SMPD3: variants seen among roughly 807,000 people sequenced by gnomAD.
SMPD3 encodes sphingomyelin phosphodiesterase 3, also known as nSMase-2.
Under a neutral mutation model 55.7 loss-of-function variants are expected in SMPD3, and 21 were observed. The ratio of observed to expected loss-of-function variants is 0.38; its 90% CI spans 0.27 to 0.54. SMPD3 has a LOEUF of 0.54. Ranked by LOEUF, SMPD3 falls within the 20% of genes least tolerant of loss-of-function variation. SMPD3 has a pLI of 0.80. For missense variants in SMPD3, 842 were observed against 899.6 expected (o/e 0.94, Z 0.82); for synonymous variants, 457 against 404.3 (o/e 1.13, Z -1.56).
At chr16:68,440,176 C>T (rs948473543) in intron 1 of SMPD3, among the ~76,000 whole-genome samples, 3 of 152,192 alleles carry the variant, frequency 2.0e-5, no homozygotes, top group Non-Finnish European at 4.4e-5. Context: ...ACTGAAGATT[C>T]TGAACAGCAA....
rs779363925 is a variant in SMPD3, at chr16:68,364,923, CAG to C, written c.1400-19_1400-18del. On this transcript the variant is annotated intron_variant, in intron 4 of 8. Coordinates refer to ENST00000219334, the MANE Select transcript of SMPD3 (RefSeq NM_018667.4). ...CGCTGTCCTCTGCAGGGCAGAAGTA[CAG>C]AGACTGGATGATGAAGTTCGCCCCA... The C allele has an allele frequency of 6.2e-7, 1 of 1,612,986 alleles. No homozygotes were observed. Among genetic ancestry groups the C allele is most frequent in the East Asian group, 2.2e-5 (1 of 44,840 alleles).
At chr16:68,362,453 G>A (rs1266907547) in intron 7 of SMPD3, among the ~76,000 whole-genome samples, 1 of 152,230 alleles carries the variant, frequency 6.6e-6, no homozygotes, top group African/African-American at 2.4e-5. Context: ...CAAGCAGTAT[G>A]CCCGTCTGCT....
At chr16:68,370,557 C>G (rs1277468937) in intron 3 of SMPD3, among the ~76,000 whole-genome samples, 2 of 152,196 alleles carry the variant, frequency 1.3e-5, no homozygotes, top group African/African-American at 4.8e-5. Context: ...CTGTTCCACT[C>G]CCACCCTCTC....
chr16:68,403,819 T>C (rs2090230919), intron 1 of SMPD3, among the ~76,000 whole-genome samples: 1 of 152,218 alleles, frequency 6.6e-6, no homozygotes, highest in Admixed American at 6.5e-5. Flanking sequence ...TATTCTGTAA[T>C]GAAGGGGAAC....
At chr16:68,413,785 G>A (rs2090319769) in intron 1 of SMPD3, among the ~76,000 whole-genome samples, 1 of 152,214 alleles carries the variant, frequency 6.6e-6, no homozygotes, top group Non-Finnish European at 1.5e-5. Context: ...TTAATGGGTA[G>A]AGCATGGGCT....
At chr16:68,440,146 A>G (rs1057297215) in intron 1 of SMPD3, among the ~76,000 whole-genome samples, 13 of 152,218 alleles carry the variant, frequency 8.5e-5, no homozygotes, top group African/African-American at 3.1e-4. Context: ...GGAATGACGC[A>G]GTAGAGTTGT....
chr16:68,437,663 C>T (rs2090533586), intron 1 of SMPD3, among the ~76,000 whole-genome samples: 1 of 152,158 alleles, frequency 6.6e-6, no homozygotes, highest in Non-Finnish European at 1.5e-5. Context: ...GAGACTCTCT[C>T]ATAGCTGTGA....
At chr16:68,370,251 G>C (rs764253836) in intron 3 of SMPD3, 1 of 153,520 alleles carries the variant, frequency 6.5e-6, no homozygotes, top group African/African-American at 2.4e-5. Flanking sequence ...CTATGGAAGC[G>C]AAACCATGGC....
At chr16:68,373,217 G>A (rs1215575448) in intron 2 of SMPD3, among the ~76,000 whole-genome samples, 3 of 152,184 alleles carry the variant, frequency 2.0e-5, no homozygotes, top group Non-Finnish European at 2.9e-5. Context: ...CAGCCCAGTC[G>A]AGACCCACAG....
chr16:68,408,050 C>A (rs2090267760), intron 1 of SMPD3, among the ~76,000 whole-genome samples: 1 of 152,082 alleles, frequency 6.6e-6, no homozygotes, highest in African/African-American at 2.4e-5. Context: ...TTCTAACCAC[C>A]AATGGCTAAT....
At chr16:68,398,794 T>A (rs972961178) in intron 1 of SMPD3, among the ~76,000 whole-genome samples, 1 of 152,202 alleles carries the variant, frequency 6.6e-6, no homozygotes, top group Non-Finnish European at 1.5e-5. Flanking sequence ...CGTGGACCTA[T>A]GTGAAATGCC....
chr16:68,431,921 G>GA (rs537995252), intron 1 of SMPD3, among the ~76,000 whole-genome samples: 36 of 150,160 alleles, frequency 2.4e-4, no homozygotes, highest in Non-Finnish European at 5.2e-4. Context: ...GACTCTGTCT[G>GA]AAAAAAACAA....
intron 1 of SMPD3, among the ~76,000 whole-genome samples, chr16:68,399,946 C>G (rs1480140199): frequency 1.3e-5 from 2 of 152,230 alleles, no homozygotes; most frequent in Admixed American, 1.3e-4. Flanking sequence ...CCTCCCCAGG[C>G]ACCAGTGTGG....
At chr16:68,374,145 C>T (rs1269515845) in intron 2 of SMPD3, among the ~76,000 whole-genome samples, 1 of 152,212 alleles carries the variant, frequency 6.6e-6, no homozygotes, top group Non-Finnish European at 1.5e-5. Flanking sequence ...AGGCTTGCAC[C>T]AGCAGGTATG....
rs2089129916 is a variant in SMPD3 at position 68,359,754 on chromosome 16, T to C, written c.*1452A>G. On this transcript the variant is annotated 3_prime_UTR_variant, in exon 9 of 9. Transcript: ENST00000219334. ...GGATTGTCAAAAACAGTCCCTCAAG[T>C]TGAGTCTCGAACTTTGAAACAGACA... is the stretch of plus-strand genomic sequence containing the variant. 6.6e-6 allele frequency: 1 copy of C among 152,534 alleles called. No individual in the cohort carries two copies. The highest frequency in any genetic ancestry group is 2.4e-5 in the African/African-American group (1 of 41,466). 9.4% of individuals were successfully genotyped at this position (152,534 alleles called of 1,614,324 possible). A position where few individuals can be genotyped will look rare whatever the true frequency, so the allele number is the denominator to read the frequency against.
chr16:68,364,698 G>GC, intron 5 of SMPD3, 53 bp downstream of exon 5: 1 of 1,564,420 alleles, frequency 6.4e-7, no homozygotes, highest in Non-Finnish European at 8.7e-7. Flanking sequence ...CTGTGACTGA[G>GC]CCCACAGCCT....
chr16:68,420,537 G>T (rs2090384853), intron 1 of SMPD3, among the ~76,000 whole-genome samples: 2 of 152,218 alleles, frequency 1.3e-5, no homozygotes, highest in African/African-American at 2.4e-5. Flanking sequence ...GCAGGGAGGG[G>T]CGTTTTATTG....
chr16:68,366,483 A>C (rs1010585814), intron 3 of SMPD3, among the ~76,000 whole-genome samples: 4 of 152,242 alleles, frequency 2.6e-5, no homozygotes, highest in African/African-American at 9.6e-5. Flanking sequence ...GCCTAACAGC[A>C]TCCCCGCCCC....
At chr16:68,416,873 C>T (rs527617337) in intron 1 of SMPD3, among the ~76,000 whole-genome samples, 6 of 152,180 alleles carry the variant, frequency 3.9e-5, no homozygotes, top group African/African-American at 1.2e-4. Flanking sequence ...GTGGGAGGCC[C>T]GTGTCGCTGG....
Sources: allele counts gnomAD v4.1 joint callset (sites outside exome capture counted in the v4.1 genomes callset), GRCh38; gene constraint gnomAD v4.1.1; transcripts MANE v1.5; gene names NCBI Gene and HGNC (gene_info 2026-07-23, HGNC 2026-07-21).